The following ZSCAN1 variants were observed in gnomAD, a reference collection of about 807,000 sequenced individuals.
ZSCAN1 encodes zinc finger and SCAN domain containing 1.
Under a neutral mutation model 23.8 loss-of-function variants are expected in ZSCAN1, and 23 were observed. The ratio of observed to expected loss-of-function variants is 0.97; its 90% confidence interval spans 0.70 to 1.37. The LOEUF (loss-of-function observed/expected upper bound fraction) is 1.37. Ranked by LOEUF, ZSCAN1 falls within the 40% of genes most tolerant of loss-of-function variation. The probability of loss-of-function intolerance (pLI) is 0.00; values close to 1 mark genes in which losing one functional copy is unlikely to be tolerated. For missense variants in ZSCAN1, 575 were observed against 554.0 expected (o/e 1.04, Z -0.38); for synonymous variants, 236 against 232.3 (o/e 1.02, Z -0.15).
intron 4 of ZSCAN1, chr19:58,046,609 G>A (rs930456034): frequency 4.8e-6 from 4 of 841,160 alleles, no homozygotes; most frequent in Admixed American, 1.7e-5. Flanking sequence ...GGATGGCAAG[G>A]TCAACGTCGA....
intron 4 of ZSCAN1, among the ~76,000 whole-genome samples, chr19:58,048,360 TG>T (rs1906450254): frequency 6.6e-6 from 1 of 152,262 alleles, no homozygotes; most frequent in Admixed American, 6.5e-5. Context: ...TAAGTGTAAA[TG>T]ATGTGGTTTG....
chr19:58,045,040 C>CG lies in ZSCAN1; in HGVS notation c.465+4501dup. On this transcript the variant is annotated intron_variant, in intron 4 of 5. Coordinates refer to ENST00000282326, the MANE Select transcript of ZSCAN1 (RefSeq NM_182572.4). This position sits in a 1 kb window ranked among gnomAD's most constrained non-coding sequence, Gnocchi z 4.3. ...CCCCGCAGAGATGGTGGTGAAGTCC[C>CG]GGGGGCAGAGAGGGTGCTGGGCGAG... 2 of 1,114,572 alleles carry CG rather than the reference C, an allele frequency of 1.8e-6. No individual in the cohort carries two copies. The highest frequency in any genetic ancestry group is 1.5e-5 in the African/African-American group (1 of 65,474). 69.0% of individuals were successfully genotyped at this position (1,114,572 alleles called of 1,614,324 possible).
Position 58,052,574 on chromosome 19 carries a change from CAG to C in ZSCAN1, c.553_554del (p.Leu186AlafsTer32), listed in dbSNP as rs1240483823. 78 of 1,613,682 alleles carry C rather than the reference CAG, an allele frequency of 4.8e-5. No individual in the cohort carries two copies. The highest frequency in any genetic ancestry group is 1.6e-4 in the Middle Eastern group (1 of 6,082). ...GTGGCTGGAGACTACCCAGCTCCAG[CAG>C]AGTCTGCACACCAGGGCGGAGGCCG... The part of the protein sequence containing the change: ...SEWLETTQLQ[Q>X]SLHTRAEAEA... On this transcript the variant is annotated frameshift_variant, in exon 5 of 6. Transcript: ENST00000282326. LOFTEE classifies it high-confidence loss of function.
chr19:58,044,247 G>C (rs1397116641), intron 4 of ZSCAN1, among the ~76,000 whole-genome samples: 1 of 151,906 alleles, frequency 6.6e-6, no homozygotes, highest in East Asian at 2.0e-4. Context: ...ACTCCAGCCC[G>C]AGCAACAGGA....
rs1462326110 is a variant in ZSCAN1, at chr19:58,045,803, C to T, written c.465+5259C>T. 2.6e-6 allele frequency: 4 copies of T among 1,551,652 alleles called. No individual in the cohort carries two copies. The highest frequency in any genetic ancestry group is 2.7e-5 in the African/African-American group (2 of 73,684). On this transcript the variant is annotated intron_variant, in intron 4 of 5. Coordinates refer to ENST00000282326, the MANE Select transcript of ZSCAN1 (RefSeq NM_182572.4). This position sits in a 1 kb window ranked among gnomAD's most constrained non-coding sequence, Gnocchi z 4.3. ...CACCTGCATCAGGAGATCCCCACAT[C>T]GCTGCTCATCCTGTCCCGGACCATG...
At chr19:58,042,467 C>T (rs1197542998) in intron 4 of ZSCAN1, among the ~76,000 whole-genome samples, 2 of 152,050 alleles carry the variant, frequency 1.3e-5, no homozygotes, top group African/African-American at 2.4e-5. Context: ...ACCGTGTTCA[C>T]CAGGATGGTC....
chr19:58,040,302 A>G lies in ZSCAN1; in HGVS notation c.371-148A>G. ...TCCTGCCCAGCAGCCACATGGAGGG[A>G]CAGAATGACAGCCCTGCAGCCACTC... is the stretch of plus-strand genomic sequence containing the variant. On this transcript the variant is annotated intron_variant, in intron 3 of 5. Transcript: ENST00000282326. The surrounding 1 kb of genome is among the most constrained non-coding windows in gnomAD (Gnocchi z 5.8). The G allele has an allele frequency of 1.3e-6, 1 of 788,652 alleles. No individual in the cohort carries two copies. The highest frequency in any genetic ancestry group is 2.1e-6 in the Non-Finnish European group (1 of 478,632). The allele number at this position is 788,652 out of a possible 1,614,324, so 48.9% of individuals were successfully genotyped here.
At position 58,049,819 on chromosome 19, in the gene ZSCAN1, G is replaced by C. The variant is rs1440409835; in HGVS notation, c.466-2671G>C. 6.6e-6 allele frequency among the ~76,000 whole-genome samples: 1 copy of C among 152,194 alleles called. No individual in the cohort carries two copies. Among genetic ancestry groups the C allele is most frequent in the East Asian group, 1.9e-4 (1 of 5,192 alleles). ...TTCCCACCGCGTAGCTGATACTCGT[G>C]GCCCCTGCTTTTCTTCTTTGTGCAT... On this transcript the variant is annotated intron_variant, in intron 4 of 5. Coordinates refer to ENST00000282326, the MANE Select transcript of ZSCAN1 (RefSeq NM_182572.4). The surrounding 1 kb of genome is among the most constrained non-coding windows in gnomAD (Gnocchi z 4.5).
At chr19:58,038,415 C>A in intron 3 of ZSCAN1, 2 of 665,320 alleles carry the variant, frequency 3.0e-6, no homozygotes, top group South Asian at 1.9e-5. Flanking sequence ...CTCACTCAGT[C>A]GGTGATTAAA....
At chr19:58,037,671 C>A in intron 2 of ZSCAN1, 57 bp from the exon 3 acceptor site, 1 of 873,864 alleles carries the variant, frequency 1.1e-6, no homozygotes, top group East Asian at 2.9e-5. Flanking sequence ...GAGGGGCATC[C>A]TGAGTACAGA....
rs1464765876 is a variant in ZSCAN1, at chr19:58,049,279, A to T, written c.466-3211A>T. ...GCGTTTTCCAAAAGCACAGATACAA[A>T]TCCCCTTGATCTTCCAGTAACTGTT... On this transcript the variant is annotated intron_variant, in intron 4 of 5. Coordinates refer to ENST00000282326, the MANE Select transcript of ZSCAN1 (RefSeq NM_182572.4). The surrounding 1 kb of genome is among the most constrained non-coding windows in gnomAD (Gnocchi z 4.5). 1 of 152,350 alleles carries T rather than the reference A, an allele frequency of 6.6e-6. No individual in the cohort carries two copies. The highest frequency in any genetic ancestry group is 1.5e-5 in the Non-Finnish European group (1 of 68,104). 9.4% of individuals were successfully genotyped at this position (152,350 alleles called of 1,614,324 possible).
At position 58,047,690 on chromosome 19, in the gene ZSCAN1, C is replaced by A. The variant is rs556571229; in HGVS notation, c.466-4800C>A. Among the ~76,000 whole-genome samples, 11 of 152,344 alleles carry A rather than the reference C, an allele frequency of 7.2e-5. No individual in the cohort carries two copies. In the East Asian group the frequency reaches 1.4e-3, roughly 19 times the overall value. ...AGTCCAGTGCACCCACAGCAGCATA[C>A]CCTTCTCACCCCTTGTGGTGTTGCA... On this transcript the variant is annotated intron_variant, in intron 4 of 5. Coordinates refer to ENST00000282326, the MANE Select transcript of ZSCAN1 (RefSeq NM_182572.4). This position sits in a 1 kb window ranked among gnomAD's most constrained non-coding sequence, Gnocchi z 4.9.
At chr19:58,051,220 G>A (rs1170205512) in intron 4 of ZSCAN1, among the ~76,000 whole-genome samples, 4 of 152,150 alleles carry the variant, frequency 2.6e-5, no homozygotes, top group African/African-American at 9.7e-5. Flanking sequence ...GTAGGGAAGA[G>A]CCTGACTGTC....
chr19:58,041,644 G>A (rs1386885388), intron 4 of ZSCAN1, among the ~76,000 whole-genome samples: 1 of 152,180 alleles, frequency 6.6e-6, no homozygotes, highest in Non-Finnish European at 1.5e-5. Flanking sequence ...CCTCACGGGA[G>A]GCTGAGGTGG....
intron 4 of ZSCAN1, among the ~76,000 whole-genome samples, chr19:58,041,966 C>T (rs2073792388): frequency 6.6e-6 from 1 of 152,104 alleles, no homozygotes; most frequent in Non-Finnish European, 1.5e-5. Flanking sequence ...TTCAGGAGTT[C>T]AAGGAAGAAG....
At chr19:58,042,576 C>T (rs555777472) in intron 4 of ZSCAN1, among the ~76,000 whole-genome samples, 2 of 152,144 alleles carry the variant, frequency 1.3e-5, no homozygotes, top group Non-Finnish European at 2.9e-5. Context: ...TCATGAGAGC[C>T]CCTCTCCTGC....
At chr19:58,043,010 T>A (rs948416508) in intron 4 of ZSCAN1, among the ~76,000 whole-genome samples, 4 of 152,232 alleles carry the variant, frequency 2.6e-5, no homozygotes, top group Non-Finnish European at 4.4e-5. Context: ...AGACGGCAGC[T>A]CCGGGATCGG....
intron 4 of ZSCAN1, among the ~76,000 whole-genome samples, chr19:58,043,429 A>G (rs1056434789): frequency 1.3e-5 from 2 of 152,196 alleles, no homozygotes; most frequent in African/African-American, 2.4e-5. Context: ...TAAAAATACA[A>G]AATAGAAGAT....
intron 3 of ZSCAN1, among the ~76,000 whole-genome samples, chr19:58,039,258 C>G (rs1043668593): frequency 2.0e-5 from 3 of 152,182 alleles, no homozygotes; most frequent in Non-Finnish European, 4.4e-5. Context: ...GTAGAGGGCC[C>G]AAGAGCACTG....
Sources: allele counts gnomAD v4.1 joint callset (sites outside exome capture counted in the v4.1 genomes callset), GRCh38; gene constraint gnomAD v4.1.1; non-coding constraint Gnocchi (gnomAD v3.1); transcripts MANE v1.5; gene names NCBI Gene and HGNC (gene_info 2026-07-23, HGNC 2026-07-21).